Variants in RPS6KA2 observed in about 807,000 individuals in gnomAD.
The protein encoded by RPS6KA2 is ribosomal protein S6 kinase A2, also known as ribosomal protein S6 kinase alpha-2.
RPS6KA2 carries 42 observed loss-of-function variants against 91.8 expected under a neutral mutation model. The ratio of observed to expected loss-of-function variants is 0.46; its 90% confidence interval spans 0.36 to 0.59. The LOEUF is 0.59. Among genes scored for constraint, RPS6KA2 ranks in the 20% least tolerant of loss-of-function variants. RPS6KA2 has a pLI of 0.00. For synonymous variants in RPS6KA2, 414 were observed against 393.6 expected (o/e 1.05, Z -0.61); for missense variants, 798 against 978.5 (o/e 0.82, Z 2.46).
At chr6:166,812,637 C>T (rs955384786) in intron 2 of RPS6KA2, among the ~76,000 whole-genome samples, 9 of 152,164 alleles carry the variant, frequency 5.9e-5, no homozygotes, top group African/African-American at 1.2e-4. Context: ...CTCAAGCTCC[C>T]GCTCTCGTGT....
chr6:166,451,593 TAAG>T (rs1779920028), intron 12 of RPS6KA2, among the ~76,000 whole-genome samples: 1 of 152,212 alleles, frequency 6.6e-6, no homozygotes, highest in African/African-American at 2.4e-5. Context: ...CAGACTCAGT[TAAG>T]AAGGCACCAA....
chr6:166,678,121 G>A (rs1030632590), intron 2 of RPS6KA2, among the ~76,000 whole-genome samples: 1 of 152,170 alleles, frequency 6.6e-6, no homozygotes, highest in Non-Finnish European at 1.5e-5. Flanking sequence ...CATACCAACA[G>A]CCCGGCTCAA....
intron 2 of RPS6KA2, among the ~76,000 whole-genome samples, chr6:166,833,183 C>T (rs1280685061): frequency 6.6e-6 from 1 of 152,124 alleles, no homozygotes; most frequent in Admixed American, 6.5e-5. Flanking sequence ...TAGAAAAGGC[C>T]AAAGTGGTGA....
chr6:166,574,631 T>C lies in RPS6KA2; in HGVS notation c.100-35847A>G, dbSNP rs564103590. ...GTTGCAGTGAAAATACAAGTGCATG[T>C]GTCTTTTTGGTAGAATGATTTATTT... is the stretch of plus-strand genomic sequence containing the variant. On this transcript the variant is annotated intron_variant, in intron 1 of 20. Transcript: ENST00000265678. Among the ~76,000 whole-genome samples the C allele has an allele frequency of 2.6e-4, 40 of 152,372 alleles. No individual in the cohort carries two copies. In the South Asian group the frequency reaches 8.1e-3, roughly 31 times the overall value.
intron 1 of RPS6KA2, among the ~76,000 whole-genome samples, chr6:166,597,204 C>T (rs756758200): frequency 1.1e-4 from 16 of 152,168 alleles, no homozygotes; most frequent in African/African-American, 2.7e-4. Context: ...ACATAGGCTA[C>T]GGGATAAGTC....
rs1779357358 is a variant in RPS6KA2 at position 166,437,336 on chromosome 6, T to C, written c.1333-4846A>G. ...GGCGTTCCTCATTCTGAGAATAATA[T>C]TGTTTTATAATCTTTATTATGCAAC... On this transcript the variant is annotated intron_variant, in intron 14 of 20. Coordinates refer to ENST00000265678, the MANE Select transcript of RPS6KA2 (RefSeq NM_021135.6). This position sits in a 1 kb window ranked among gnomAD's most constrained non-coding sequence, Gnocchi z 4.3. Among the ~76,000 whole-genome samples, 1 of 152,192 alleles carries C rather than the reference T, an allele frequency of 6.6e-6. No homozygotes were observed. Among genetic ancestry groups the C allele is most frequent in the South Asian group, 2.1e-4 (1 of 4,828 alleles).
At chr6:166,607,417 AT>A (rs1785993395) in intron 1 of RPS6KA2, among the ~76,000 whole-genome samples, 1 of 152,230 alleles carries the variant, frequency 6.6e-6, no homozygotes, top group Non-Finnish European at 1.5e-5. Context: ...GATTAAAAAA[AT>A]GTAGTATATC....
intron 1 of RPS6KA2, among the ~76,000 whole-genome samples, chr6:166,553,641 G>A (rs189179448): frequency 3.7e-4 from 56 of 151,992 alleles, no homozygotes; most frequent in Non-Finnish European, 6.3e-4. Flanking sequence ...TGGCTCTGAC[G>A]TGGGCCAGTC....
At chr6:166,860,645 T>C (rs1583187159) in intron 1 of RPS6KA2, among the ~76,000 whole-genome samples, 1 of 152,208 alleles carries the variant, frequency 6.6e-6, no homozygotes. Context: ...ATCCTCCCTC[T>C]GGACAAGCCC....
chr6:166,703,807 C>A lies in RPS6KA2; in HGVS notation c.123+154393G>T, dbSNP rs116403379. On this transcript the variant is annotated intron_variant, in intron 2 of 21. Coordinates refer to the RPS6KA2 transcript ENST00000503859. ...CAATGTCCTTTCTGCAATTCATTAA[C>A]CTTATATGTACCTTTCCACTTTAAG... Among the ~76,000 whole-genome samples, 895 of 152,196 alleles carry A rather than the reference C, an allele frequency of 5.9e-3. 12 individuals carry two copies. The highest frequency in any genetic ancestry group is 0.021 in the African/African-American group (851 of 41,510).
intron 1 of RPS6KA2, among the ~76,000 whole-genome samples, chr6:166,621,645 C>T (rs1311629219): frequency 6.6e-6 from 1 of 152,176 alleles, no homozygotes; most frequent in Non-Finnish European, 1.5e-5. Flanking sequence ...CTTAGACCAG[C>T]TCTGCTTATT....
chr6:166,627,426 T>A, upstream of RPS6KA2: 1 of 130,062 alleles, frequency 7.7e-6, no homozygotes, highest in Non-Finnish European at 1.5e-5. Context: ...GCACTGCCAA[T>A]GAGAGCCCAC....
intron 2 of RPS6KA2, among the ~76,000 whole-genome samples, chr6:166,802,773 C>T (rs755714980): frequency 6.6e-5 from 10 of 152,116 alleles, no homozygotes; most frequent in East Asian, 1.9e-4. Flanking sequence ...AGTGGTTGAA[C>T]GCTTGTCACT....
chr6:166,592,676 C>T (rs989701050), intron 1 of RPS6KA2, among the ~76,000 whole-genome samples: 1 of 113,098 alleles, frequency 8.8e-6, no homozygotes, highest in Non-Finnish European at 1.8e-5. Flanking sequence ...AGCCACCGCA[C>T]AGAACTGTAC....
intron 2 of RPS6KA2, among the ~76,000 whole-genome samples, chr6:166,824,941 C>G (rs1036938923): frequency 2.0e-5 from 3 of 152,174 alleles, no homozygotes. Flanking sequence ...CACATCAGGA[C>G]AGTTGCAGGC....
At chr6:166,595,506 A>G (rs1333358266) in intron 1 of RPS6KA2, among the ~76,000 whole-genome samples, 1 of 152,242 alleles carries the variant, frequency 6.6e-6, no homozygotes, top group Non-Finnish European at 1.5e-5. Context: ...TGGGACTTCA[A>G]TCCCCAGATA....
At chr6:166,640,527 G>A (rs1467446856) in intron 2 of RPS6KA2, among the ~76,000 whole-genome samples, 1 of 152,164 alleles carries the variant, frequency 6.6e-6, no homozygotes, top group African/African-American at 2.4e-5. Flanking sequence ...AGGCAGCACC[G>A]CCCTTCCCTG....
intron 14 of RPS6KA2, among the ~76,000 whole-genome samples, chr6:166,446,191 T>C (rs1190385555): frequency 6.6e-6 from 1 of 152,190 alleles, no homozygotes; most frequent in Admixed American, 6.5e-5. Context: ...CAAACAACCG[T>C]GTCTACCTGC....
At chr6:166,723,845 A>G (rs984489958) in intron 2 of RPS6KA2, among the ~76,000 whole-genome samples, 6 of 151,512 alleles carry the variant, frequency 4.0e-5, no homozygotes, top group African/African-American at 1.5e-4. Flanking sequence ...GATTACAGGC[A>G]CGCGCCACCA....
Sources: allele counts gnomAD v4.1 joint callset (sites outside exome capture counted in the v4.1 genomes callset), GRCh38; gene constraint gnomAD v4.1.1; non-coding constraint Gnocchi (gnomAD v3.1); transcripts MANE v1.5; gene names NCBI Gene and HGNC (gene_info 2026-07-23, HGNC 2026-07-21).